The following MACROD2 variants were observed in gnomAD, a reference collection of about 807,000 sequenced individuals.
The protein encoded by MACROD2 is mono-ADP ribosylhydrolase 2, also known as ADP-ribose glycohydrolase MACROD2.
In MACROD2, 36 loss-of-function variants were observed where a neutral mutation model predicts 70.4. The ratio of observed to expected loss-of-function variants is 0.51; its 90% confidence interval spans 0.39 to 0.68. The LOEUF (loss-of-function observed/expected upper bound fraction) is 0.68. Among genes scored for constraint, MACROD2 ranks in the 30% least tolerant of loss-of-function variants. MACROD2 has a pLI of 0.00. For synonymous variants in MACROD2, 172 were observed against 178.8 expected, an observed-to-expected ratio of 0.96 and a Z score of 0.30; for missense variants, 496 against 538.4, an observed-to-expected ratio of 0.92 and a Z score of 0.78.
chr20:15,805,587 C>G (rs1409522258), intron 8 of MACROD2, among the ~76,000 whole-genome samples: 3 of 152,064 alleles, frequency 2.0e-5, no homozygotes, highest in Non-Finnish European at 4.4e-5. Context: ...AGTGATTCTC[C>G]TGCCTCAGCC....
intron 8 of MACROD2, among the ~76,000 whole-genome samples, chr20:15,546,032 C>T (rs2048021863): frequency 6.6e-6 from 1 of 152,164 alleles, no homozygotes; most frequent in Non-Finnish European, 1.5e-5. Flanking sequence ...AGGTGGATCA[C>T]CTGAGGTCAG....
At chr20:14,247,445 A>G (rs2081976552) in intron 3 of MACROD2, among the ~76,000 whole-genome samples, 1 of 152,244 alleles carries the variant, frequency 6.6e-6, no homozygotes. Context: ...TAGATGAAAT[A>G]TAAGGAATGA....
At chr20:15,712,903 C>G (rs896651319) in intron 8 of MACROD2, among the ~76,000 whole-genome samples, 1 of 152,198 alleles carries the variant, frequency 6.6e-6, no homozygotes, top group Non-Finnish European at 1.5e-5. Flanking sequence ...GGCTGAATGA[C>G]TTGCTTAAGA....
At chr20:15,698,521 T>C (rs530437224) in intron 8 of MACROD2, among the ~76,000 whole-genome samples, 1 of 152,212 alleles carries the variant, frequency 6.6e-6, no homozygotes, top group Non-Finnish European at 1.5e-5. Flanking sequence ...TCCTTCGTCT[T>C]AACTTTGGAT....
chr20:15,517,900 G>A (rs192799452), intron 8 of MACROD2, among the ~76,000 whole-genome samples: 5 of 152,312 alleles, frequency 3.3e-5, no homozygotes, highest in African/African-American at 9.6e-5. Context: ...GCAGGTTGCC[G>A]AGCCATTTCT....
chr20:15,536,959 C>A (rs1259441099), intron 8 of MACROD2, among the ~76,000 whole-genome samples: 1 of 152,136 alleles, frequency 6.6e-6, no homozygotes, highest in Non-Finnish European at 1.5e-5. Context: ...ATGCTGTTCA[C>A]CCCTTGCCCT....
intron 3 of MACROD2, among the ~76,000 whole-genome samples, chr20:14,459,148 A>G (rs2084338042): frequency 6.6e-6 from 1 of 151,264 alleles, no homozygotes; most frequent in Non-Finnish European, 1.5e-5. Flanking sequence ...ACTTCTTAAT[A>G]AAATTTTCCA....
At chr20:14,934,937 G>T (rs190424049) in intron 5 of MACROD2, 1 of 152,124 alleles carries the variant, frequency 6.6e-6, no homozygotes, top group Non-Finnish European at 1.5e-5. Context: ...TACCCAGAGT[G>T]CTCTCTTTTC....
At chr20:15,741,266 T>TG (rs1465223492) in intron 8 of MACROD2, among the ~76,000 whole-genome samples, 2 of 151,160 alleles carry the variant, frequency 1.3e-5, no homozygotes, top group African/African-American at 4.9e-5. Context: ...TAATTTTTTT[T>TG]TTTTTTTGTA....
At chr20:15,849,646 C>A (rs2064274587) in intron 8 of MACROD2, among the ~76,000 whole-genome samples, 1 of 152,144 alleles carries the variant, frequency 6.6e-6, no homozygotes, top group Admixed American at 6.5e-5. Context: ...CAATGAATGA[C>A]AATTCTTCCT....
chr20:14,964,891 G>A (rs980318243), intron 5 of MACROD2, among the ~76,000 whole-genome samples: 3 of 152,176 alleles, frequency 2.0e-5, no homozygotes, highest in Admixed American at 6.5e-5. Flanking sequence ...AGCAGGTATA[G>A]GCGGAATACA....
chr20:15,261,385 G>A (rs1048150014), intron 6 of MACROD2, among the ~76,000 whole-genome samples: 1 of 151,712 alleles, frequency 6.6e-6, no homozygotes, highest in African/African-American at 2.4e-5. Context: ...ATGAATCTTT[G>A]CTTTATTTAT....
intron 5 of MACROD2, among the ~76,000 whole-genome samples, chr20:14,771,231 C>T (rs2072160616): frequency 6.6e-6 from 1 of 152,060 alleles, no homozygotes; most frequent in South Asian, 2.1e-4. Context: ...CTCAGAACTA[C>T]ACTACTAGCT....
intron 12 of MACROD2, among the ~76,000 whole-genome samples, chr20:15,962,515 A>G (rs1194707220): frequency 6.6e-6 from 1 of 152,196 alleles, no homozygotes; most frequent in Non-Finnish European, 1.5e-5. Context: ...AGAATGAGCT[A>G]TTTCACACCA....
chr20:14,732,390 C>A (rs1001123393), intron 5 of MACROD2, among the ~76,000 whole-genome samples: 1 of 152,136 alleles, frequency 6.6e-6, no homozygotes, highest in East Asian at 1.9e-4. Context: ...TAACTTCAAC[C>A]TTGAACTGTT....
intron 11 of MACROD2, 71 bp from the exon 12 acceptor site, chr20:15,937,405 A>G (rs1445885658): frequency 3.6e-6 from 5 of 1,372,594 alleles, no homozygotes; most frequent in Non-Finnish European, 5.2e-6. Context: ...AGGGAGGTGC[A>G]GGGCAGGAAA....
chr20:15,397,316 A>G (rs1480387691), intron 6 of MACROD2, among the ~76,000 whole-genome samples: 1 of 151,362 alleles, frequency 6.6e-6, no homozygotes, highest in Non-Finnish European at 1.5e-5. Context: ...TTATTTTGAG[A>G]TAAGAGTCTC....
intron 3 of MACROD2, among the ~76,000 whole-genome samples, chr20:14,271,094 C>T (rs1454392613): frequency 1.3e-5 from 2 of 152,248 alleles, no homozygotes; most frequent in African/African-American, 4.8e-5. Context: ...CAGCAGTAAC[C>T]TCTGCAGACT....
rs375619469 is a variant in MACROD2, at chr20:15,027,554, T to TG, written c.419-202384dup. ...AATGTGGTGGTAGTGATGGTGGTGGTGGTGGGGGGAAATAATATCTATTTG... is the reference window on the plus strand; with the variant it reads ...AATGTGGTGGTAGTGATGGTGGTGGTGGGTGGGGGGAAATAATATCTATTTG... On this transcript the variant is annotated intron_variant, in intron 5 of 17. Transcript: ENST00000684519. Among the ~76,000 whole-genome samples the TG allele has an allele frequency of 2.9e-3, 413 of 143,670 alleles. 2 individuals are homozygous for TG. The highest frequency in any genetic ancestry group is 7.2e-3 in the African/African-American group (287 of 39,706). 94.3% of individuals were successfully genotyped at this position (143,670 alleles called of 152,430 possible). A position where few individuals can be genotyped will look rare whatever the true frequency, so the allele number is the denominator to read the frequency against.
Sources: allele counts gnomAD v4.1 joint callset (sites outside exome capture counted in the v4.1 genomes callset), GRCh38; gene constraint gnomAD v4.1.1; transcripts MANE v1.5; gene names NCBI Gene and HGNC (gene_info 2026-07-23, HGNC 2026-07-21).